Variants in IMPG1 observed in about 807,000 individuals in gnomAD.
The protein encoded by IMPG1 is interphotoreceptor matrix proteoglycan of 150 kDa.
IMPG1 carries 85 observed loss-of-function variants against 92.0 expected under a neutral mutation model. The observed-to-expected ratio is 0.92, with a 90% CI of 0.78 to 1.11. The LOEUF (loss-of-function observed/expected upper bound fraction) is 1.11. Among genes scored for constraint, IMPG1 ranks in the 50% least tolerant of loss-of-function variants. The probability of loss-of-function intolerance (pLI) is 0.00; values close to 1 mark genes in which losing one functional copy is unlikely to be tolerated. For missense variants in IMPG1, 1,022 were observed against 956.0 expected, an observed-to-expected ratio of 1.07 and a Z score of -0.91; for synonymous variants, 367 against 334.1, an observed-to-expected ratio of 1.10 and a Z score of -1.08.
intron 1 of IMPG1, among the ~76,000 whole-genome samples, chr6:76,071,967 T>G (rs1209637496): frequency 6.6e-6 from 1 of 152,116 alleles, no homozygotes; most frequent in African/African-American, 2.4e-5. Flanking sequence ...ATGTTTGCTA[T>G]TTTCTAAGGG....
chr6:75,981,585 C>T (rs1782628854), intron 12 of IMPG1, among the ~76,000 whole-genome samples: 1 of 152,184 alleles, frequency 6.6e-6, no homozygotes, highest in Non-Finnish European at 1.5e-5. Context: ...ATAAATCCCT[C>T]ATAAAAAGAG....
At chr6:76,070,461 C>A (rs1471761572) in intron 1 of IMPG1, among the ~76,000 whole-genome samples, 1 of 152,146 alleles carries the variant, frequency 6.6e-6, no homozygotes, top group Non-Finnish European at 1.5e-5. Context: ...AATCCCACTG[C>A]TGGGTATCTA....
chr6:76,022,136 C>A lies in IMPG1; in HGVS notation c.646G>T (p.Asp216Tyr). ...LNEILDNTLNDTKMPTTERET... is the reference protein window; with the variant it reads ...LNEILDNTLNYTKMPTTERET... The stretch of plus-strand genomic sequence containing the variant: ...CTTACTGTTGTAGGCATCTTGGTGT[C>A]GTTGAGTGTATTATCGAGAATTTCA... Residue 216 changes from aspartate to tyrosine, a missense_variant, in exon 6 of 17, where the codon GAC becomes TAC. Coordinates refer to ENST00000369950, the MANE Select transcript of IMPG1 (RefSeq NM_001563.4). The A allele has an allele frequency of 2.5e-6, 4 of 1,586,406 alleles. No homozygotes were observed. The South Asian group carries it at 4.4e-5, about 18-fold the overall frequency.
intron 15 of IMPG1, among the ~76,000 whole-genome samples, chr6:75,924,146 G>T (rs1339888122): frequency 1.3e-5 from 2 of 151,596 alleles, no homozygotes; most frequent in Non-Finnish European, 1.5e-5. Context: ...CTGATGGTGG[G>T]AATATAAATT....
At chr6:75,935,656 C>T (rs1318798946) in intron 14 of IMPG1, among the ~76,000 whole-genome samples, 4 of 152,176 alleles carry the variant, frequency 2.6e-5, no homozygotes, top group Admixed American at 1.3e-4. Context: ...CAAACTTACG[C>T]ATCACAATCA....
At chr6:75,979,187 G>A (rs1782587634) in intron 12 of IMPG1, among the ~76,000 whole-genome samples, 1 of 152,094 alleles carries the variant, frequency 6.6e-6, no homozygotes, top group Non-Finnish European at 1.5e-5. Context: ...AAAGTGCTGG[G>A]ATTACAGGCG....
intron 14 of IMPG1, among the ~76,000 whole-genome samples, chr6:75,935,632 G>A (rs1781732877): frequency 6.6e-6 from 1 of 152,178 alleles, no homozygotes; most frequent in Non-Finnish European, 1.5e-5. Context: ...TTTGCCTGGG[G>A]CATCAGAGAA....
At chr6:75,924,666 TAA>T (rs1781507808) in intron 15 of IMPG1, among the ~76,000 whole-genome samples, 1 of 1,364 alleles carries the variant, frequency 7.3e-4, no homozygotes, top group Non-Finnish European at 0.012. Flanking sequence ...TAATATATAA[TAA>T]ATTATATATT....
chr6:75,923,911 T>C (rs1310640000), intron 15 of IMPG1, among the ~76,000 whole-genome samples: 1 of 152,164 alleles, frequency 6.6e-6, no homozygotes, highest in Admixed American at 6.5e-5. Context: ...TTACTATTTC[T>C]TAGGCAGTGG....
chr6:76,014,026 G>T (rs1445783810), intron 7 of IMPG1, among the ~76,000 whole-genome samples: 3 of 152,172 alleles, frequency 2.0e-5, no homozygotes, highest in Non-Finnish European at 4.4e-5. Context: ...GTGATCCGGA[G>T]CTCTTTGTAC....
chr6:75,976,547 C>T (rs927964338), intron 12 of IMPG1, among the ~76,000 whole-genome samples: 6 of 144,468 alleles, frequency 4.2e-5, no homozygotes, highest in African/African-American at 1.3e-4. Flanking sequence ...GGCGACAGAG[C>T]GAGACTCTTG....
intron 5 of IMPG1, among the ~76,000 whole-genome samples, chr6:76,023,119 G>C (rs981556050): frequency 6.6e-6 from 1 of 152,156 alleles, no homozygotes; most frequent in Admixed American, 6.5e-5. Context: ...CCTAGTGGGG[G>C]CGTGAGAGTG....
intron 12 of IMPG1, among the ~76,000 whole-genome samples, chr6:75,973,927 G>C (rs891964286): frequency 9.9e-5 from 15 of 152,152 alleles, no homozygotes; most frequent in African/African-American, 3.6e-4. Flanking sequence ...GTCTGCTTTA[G>C]GAATGTGGTG....
At chr6:76,061,655 A>G (rs1399024749) in intron 1 of IMPG1, among the ~76,000 whole-genome samples, 3 of 152,232 alleles carry the variant, frequency 2.0e-5, no homozygotes, top group Non-Finnish European at 4.4e-5. Flanking sequence ...AAAGACACAT[A>G]CTAAGATAAA....
intron 14 of IMPG1, among the ~76,000 whole-genome samples, chr6:75,932,962 A>G (rs1418952420): frequency 2.6e-5 from 4 of 152,146 alleles, no homozygotes; most frequent in Non-Finnish European, 5.9e-5. Context: ...CGGCCTCCCA[A>G]AGTGCTGGGA....
intron 12 of IMPG1, among the ~76,000 whole-genome samples, chr6:75,980,465 G>A (rs1207982403): frequency 6.6e-6 from 1 of 152,198 alleles, no homozygotes; most frequent in Non-Finnish European, 1.5e-5. Flanking sequence ...ATTAACATTT[G>A]AGTCAGTGGG....
intron 13 of IMPG1, 29 bp downstream of exon 13, chr6:75,950,533 A>G: frequency 6.5e-7 from 1 of 1,533,164 alleles, no homozygotes; most frequent in South Asian, 1.3e-5. Flanking sequence ...GAGACAAAGA[A>G]TTGGGAATTG....
intron 14 of IMPG1, among the ~76,000 whole-genome samples, chr6:75,935,730 T>G (rs538445273): frequency 6.6e-6 from 1 of 152,374 alleles, no homozygotes; most frequent in East Asian, 1.9e-4. Context: ...ACAAAAATGT[T>G]TTCTTTAAAA....
intron 14 of IMPG1, among the ~76,000 whole-genome samples, chr6:75,942,863 T>C (rs1320441996): frequency 1.3e-5 from 2 of 152,234 alleles, no homozygotes; most frequent in Non-Finnish European, 2.9e-5. Context: ...ATAATAATTT[T>C]GTATGTATTT....
Sources: gnomAD v4.1 joint callset for allele counts (sites outside exome capture counted in the v4.1 genomes callset) on GRCh38, gnomAD v4.1.1 for gene constraint, MANE v1.5 for transcripts, NCBI Gene and HGNC (gene_info 2026-07-23, HGNC 2026-07-21) for gene names.